The following GLMN variants were observed in gnomAD, a reference collection of about 807,000 sequenced individuals.
GLMN encodes the protein glomulin, FKBP associated protein.
Under a neutral mutation model 87.8 loss-of-function variants are expected in GLMN, and 75 were observed. The ratio of observed to expected loss-of-function variants is 0.85; its 90% CI spans 0.71 to 1.04. The LOEUF is 1.04. Ranked by LOEUF, GLMN falls within the 50% of genes least tolerant of loss-of-function variation. The pLI is 0.00. For missense variants in GLMN, 588 were observed against 658.8 expected (o/e 0.89, Z 1.18); for synonymous variants, 206 against 221.6 (o/e 0.93, Z 0.63).
At chr1:92,293,481 A>AT (rs951301127) in intron 3 of GLMN, among the ~76,000 whole-genome samples, 31 of 146,946 alleles carry the variant, frequency 2.1e-4, no homozygotes, top group Middle Eastern at 6.9e-3. Context: ...AATTTTTTGT[A>AT]TTTTTTTTTT....
intron 9 of GLMN, among the ~76,000 whole-genome samples, chr1:92,269,148 C>T (rs979158664): frequency 1.3e-5 from 2 of 150,918 alleles, no homozygotes; most frequent in African/African-American, 4.9e-5. Flanking sequence ...GCAATCCTCT[C>T]GCCTTGGTCT....
intron 15 of GLMN, 43 bp from the exon 16 acceptor site, chr1:92,262,969 T>C (rs375417315): frequency 1.7e-5 from 14 of 803,560 alleles, no homozygotes; most frequent in South Asian, 6.8e-5. Context: ...TGGTTTTATA[T>C]AGTCAACAGC....
intron 16 of GLMN, among the ~76,000 whole-genome samples, chr1:92,257,055 A>T (rs1434369078): frequency 2.0e-5 from 3 of 152,266 alleles, no homozygotes; most frequent in South Asian, 2.1e-4. Context: ...ACTTTGGCAA[A>T]GTCTCAGGAT....
At chr1:92,264,934 C>G (rs754696800) in intron 13 of GLMN, among the ~76,000 whole-genome samples, 1 of 152,160 alleles carries the variant, frequency 6.6e-6, no homozygotes, top group African/African-American at 2.4e-5. Context: ...CTCCGCCTCC[C>G]GGGTTCAAGC....
the GLMN span, chr1:92,345,915 G>A: frequency 3.8e-6 from 6 of 1,590,092 alleles, no homozygotes; most frequent in Admixed American, 1.7e-5. Flanking sequence ...TGCTGTCATT[G>A]TAAGTACTCT....
At chr1:92,320,592 A>G in the GLMN span, 308 of 1,610,458 alleles carry the variant, frequency 1.9e-4, no homozygotes, top group Non-Finnish European at 2.5e-4. Context: ...CTGTGTTCTT[A>G]TTACAGGCAT....
the GLMN span, among the ~76,000 whole-genome samples, chr1:92,355,570 T>A: frequency 6.6e-6 from 1 of 152,234 alleles, no homozygotes; most frequent in South Asian, 2.1e-4. Context: ...GGCAGGGAAA[T>A]ACTAGTCAGT....
chr1:92,296,179 A>G (rs1650025932), intron 3 of GLMN, among the ~76,000 whole-genome samples: 1 of 152,184 alleles, frequency 6.6e-6, no homozygotes, highest in South Asian at 2.1e-4. Context: ...GATCAACATG[A>G]TTACACTGTG....
the GLMN span, among the ~76,000 whole-genome samples, chr1:92,355,853 A>G: frequency 6.6e-6 from 1 of 152,188 alleles, no homozygotes; most frequent in Admixed American, 6.5e-5. Context: ...ATTCTAAAAA[A>G]TCCAAACTCC....
At chr1:92,320,373 A>G in the GLMN span, among the ~76,000 whole-genome samples, 1 of 152,056 alleles carries the variant, frequency 6.6e-6, no homozygotes, top group Non-Finnish European at 1.5e-5. Flanking sequence ...CCCTGGTTCA[A>G]GCGATTCTCC....
At chr1:92,363,069 A>C in the GLMN span, among the ~76,000 whole-genome samples, 1 of 152,090 alleles carries the variant, frequency 6.6e-6, no homozygotes. Flanking sequence ...CTCCAGGGGG[A>C]AAAAAATGCA....
the GLMN span, among the ~76,000 whole-genome samples, chr1:92,362,508 T>C: frequency 6.6e-6 from 1 of 152,194 alleles, no homozygotes; most frequent in African/African-American, 2.4e-5. Flanking sequence ...AGTTTGGGAT[T>C]TGGCTGTTTG....
chr1:92,295,842 C>T (rs1557574590), intron 3 of GLMN, among the ~76,000 whole-genome samples: 1 of 152,154 alleles, frequency 6.6e-6, no homozygotes, highest in Non-Finnish European at 1.5e-5. Context: ...CTAAAGACAG[C>T]ATCTGGTACA....
chr1:92,293,959 A>G lies in GLMN; in HGVS notation c.166-2422T>C, dbSNP rs924676881. ...GGAGGATGGTTACCAGAGGCTGAAA[A>G]TGGTAGTGGGAGGCAGGGAAGATGG... On this transcript the variant is annotated intron_variant, in intron 3 of 18. Coordinates refer to ENST00000370360, the MANE Select transcript of GLMN (RefSeq NM_053274.3). Among the ~76,000 whole-genome samples the G allele has an allele frequency of 2.6e-5, 4 of 151,786 alleles. No homozygotes were observed. The East Asian group carries it at 7.7e-4, about 29-fold the overall frequency.
At chr1:92,265,058 G>C (rs530602462) in intron 13 of GLMN, among the ~76,000 whole-genome samples, 283 of 152,190 alleles carry the variant, frequency 1.9e-3, no homozygotes, top group African/African-American at 6.4e-3. Flanking sequence ...GGCCAGGCTT[G>C]TCTCAAACTC....
At chr1:92,272,030 C>T (rs1452977814) in intron 7 of GLMN, among the ~76,000 whole-genome samples, 1 of 152,164 alleles carries the variant, frequency 6.6e-6, no homozygotes, top group Non-Finnish European at 1.5e-5. Flanking sequence ...TATGAGAAGG[C>T]TCATGGACAG....
chr1:92,256,341 C>A (rs1305572171), intron 16 of GLMN, among the ~76,000 whole-genome samples: 2 of 152,078 alleles, frequency 1.3e-5, no homozygotes, highest in African/African-American at 2.4e-5. Context: ...GGAGGTGGTA[C>A]CATTCCTTCT....
At chr1:92,276,342 T>C (rs1647293229) in intron 7 of GLMN, among the ~76,000 whole-genome samples, 1 of 152,148 alleles carries the variant, frequency 6.6e-6, no homozygotes, top group African/African-American at 2.4e-5. Context: ...TTATTAGATA[T>C]ATATTAAAAA....
the GLMN span, among the ~76,000 whole-genome samples, chr1:92,320,421 C>T: frequency 3.7e-4 from 57 of 152,040 alleles, no homozygotes; most frequent in African/African-American, 1.3e-3. Context: ...TACAGGCGCG[C>T]ACCGCCATGT....
Sources: allele counts gnomAD v4.1 joint callset (sites outside exome capture counted in the v4.1 genomes callset), GRCh38; gene constraint gnomAD v4.1.1; transcripts MANE v1.5; gene names NCBI Gene and HGNC (gene_info 2026-07-23, HGNC 2026-07-21).